Variants in STPG2 observed in about 807,000 individuals in gnomAD.
STPG2 encodes the protein sperm tail PG-rich repeat containing 2.
A neutral mutation model predicts 54.2 loss-of-function variants in STPG2; 56 were observed. That is an observed-to-expected ratio of 1.03 (90% CI 0.83 to 1.29). The LOEUF (loss-of-function observed/expected upper bound fraction) is 1.29, where lower values mean the gene tolerates loss of function less well. Ranked by LOEUF, STPG2 falls within the 50% of genes most tolerant of loss-of-function variation. STPG2 has a pLI of 0.00. For missense variants in STPG2, 596 were observed against 544.9 expected (o/e 1.09, Z -0.93); for synonymous variants, 200 against 181.8 (o/e 1.10, Z -0.81).
intron 9 of STPG2, among the ~76,000 whole-genome samples, chr4:97,754,437 C>T (rs1371358669): frequency 1.3e-5 from 2 of 152,120 alleles, no homozygotes; most frequent in African/African-American, 2.4e-5. Flanking sequence ...CTCATCAGAA[C>T]ACTCATTCTA....
chr4:97,642,056 A>G (rs1390075372), intron 10 of STPG2, among the ~76,000 whole-genome samples: 1 of 151,518 alleles, frequency 6.6e-6, no homozygotes, highest in Non-Finnish European at 1.5e-5. Context: ...TCTCCAAATT[A>G]TTGTATTGGC....
At chr4:97,565,937 T>C (rs1305990970) in intron 10 of STPG2, among the ~76,000 whole-genome samples, 2 of 152,194 alleles carry the variant, frequency 1.3e-5, no homozygotes, top group African/African-American at 4.8e-5. Context: ...TCCAGCTGCA[T>C]GCTGGGAGAA....
At chr4:97,539,354 CA>C (rs1361101102) in intron 4 of STPG2, among the ~76,000 whole-genome samples, 2 of 151,980 alleles carry the variant, frequency 1.3e-5, no homozygotes, top group Non-Finnish European at 2.9e-5. Context: ...GAAGATCTAC[CA>C]AGCAAATGGA....
Position 97,506,019 on chromosome 4 carries a change from C to CAAAA in STPG2, c.462+206676_462+206679dup, listed in dbSNP as rs59206485. On this transcript the variant is annotated intron_variant, in intron 4 of 4. Coordinates refer to the STPG2 transcript ENST00000522676. ...AATTCAGGACCAGAAAATAGGAGAC[C>CAAAA]AAAAAAAAAAAAAAAAAAAAAAAAA... Among the ~76,000 whole-genome samples, 6 of 16,926 alleles carry CAAAA rather than the reference C, an allele frequency of 3.5e-4. 1 individual carries two copies. Among genetic ancestry groups the CAAAA allele is most frequent in the African/African-American group, 7.9e-4 (4 of 5,062 alleles). 11.1% of individuals were successfully genotyped at this position (16,926 alleles called of 152,430 possible).
At chr4:97,689,364 G>T (rs1723293005) in intron 10 of STPG2, among the ~76,000 whole-genome samples, 2 of 151,988 alleles carry the variant, frequency 1.3e-5, no homozygotes, top group Admixed American at 6.5e-5. Context: ...ATTTAAAACT[G>T]TCATATATAC....
chr4:98,018,838 A>G (rs1736065994), intron 5 of STPG2, among the ~76,000 whole-genome samples: 1 of 150,444 alleles, frequency 6.6e-6, no homozygotes, highest in South Asian at 2.1e-4. Context: ...GTCTTTTCAT[A>G]TCCTTTGCCC....
At chr4:97,461,043 T>C (rs920235120) in intron 4 of STPG2, among the ~76,000 whole-genome samples, 2 of 152,240 alleles carry the variant, frequency 1.3e-5, no homozygotes, top group Non-Finnish European at 2.9e-5. Flanking sequence ...TTGTTTCCAA[T>C]TCTAGCTATT....
intron 9 of STPG2, among the ~76,000 whole-genome samples, chr4:97,790,641 C>T (rs1270816570): frequency 6.6e-6 from 1 of 152,144 alleles, no homozygotes; most frequent in Non-Finnish European, 1.5e-5. Context: ...CTCCTCCCTC[C>T]TCGAGGCCAT....
intron 10 of STPG2, among the ~76,000 whole-genome samples, chr4:97,628,760 A>T (rs1386153519): frequency 6.6e-6 from 1 of 152,086 alleles, no homozygotes; most frequent in Non-Finnish European, 1.5e-5. Flanking sequence ...CCAACAGTCT[A>T]AGTACCAGAG....
intron 8 of STPG2, among the ~76,000 whole-genome samples, chr4:97,889,755 T>A (rs952209358): frequency 6.6e-5 from 10 of 152,116 alleles, no homozygotes. Context: ...GTCCAAAAGA[T>A]CTATTGTATA....
intron 10 of STPG2, among the ~76,000 whole-genome samples, chr4:97,696,974 G>T (rs1434316758): frequency 6.6e-6 from 1 of 152,166 alleles, no homozygotes; most frequent in African/African-American, 2.4e-5. Flanking sequence ...TGGGAAGATT[G>T]CATTGCAGAA....
chr4:97,975,954 G>A (rs1317698478), intron 6 of STPG2, among the ~76,000 whole-genome samples: 1 of 152,166 alleles, frequency 6.6e-6, no homozygotes, highest in Non-Finnish European at 1.5e-5. Context: ...TCATAGGCAA[G>A]AAACAGTTGA....
intron 4 of STPG2, among the ~76,000 whole-genome samples, chr4:97,513,456 A>C (rs1731013994): frequency 6.6e-6 from 1 of 151,876 alleles, no homozygotes; most frequent in Non-Finnish European, 1.5e-5. Flanking sequence ...CAACCCTCTA[A>C]TCATGCATTG....
chr4:97,773,496 C>T (rs148466071), intron 9 of STPG2, among the ~76,000 whole-genome samples: 1 of 152,104 alleles, frequency 6.6e-6, no homozygotes, highest in Non-Finnish European at 1.5e-5. Context: ...TTCTTTTTAA[C>T]AGCTGGAATC....
intron 10 of STPG2, among the ~76,000 whole-genome samples, chr4:97,659,149 T>C (rs1303013230): frequency 6.6e-6 from 1 of 152,216 alleles, no homozygotes; most frequent in Non-Finnish European, 1.5e-5. Flanking sequence ...TTTGTTTTGT[T>C]GGAATCACTT....
At chr4:98,133,633 T>C (rs1740059708) in intron 2 of STPG2, among the ~76,000 whole-genome samples, 1 of 152,024 alleles carries the variant, frequency 6.6e-6, no homozygotes, top group Admixed American at 6.6e-5. Flanking sequence ...AGTAAAATCC[T>C]GTGAAAAGAG....
At chr4:98,014,921 A>T (rs760854378) in intron 5 of STPG2, among the ~76,000 whole-genome samples, 1 of 152,164 alleles carries the variant, frequency 6.6e-6, no homozygotes, top group African/African-American at 2.4e-5. Flanking sequence ...CATTTAAAAT[A>T]TATCATCCCA....
intron 9 of STPG2, among the ~76,000 whole-genome samples, chr4:97,791,607 AT>A (rs538275579): frequency 1.3e-5 from 2 of 152,126 alleles, no homozygotes; most frequent in Admixed American, 1.3e-4. Flanking sequence ...TAGCAGTGTT[AT>A]TTTTTTCTCA....
At chr4:97,544,354 T>C (rs1197768888) in intron 4 of STPG2, among the ~76,000 whole-genome samples, 1 of 152,018 alleles carries the variant, frequency 6.6e-6, no homozygotes, top group African/African-American at 2.4e-5. Context: ...GGGATTTATG[T>C]GTTAAAAGAA....
Sources: gnomAD v4.1 joint callset for allele counts (sites outside exome capture counted in the v4.1 genomes callset) on GRCh38, gnomAD v4.1.1 for gene constraint, MANE v1.5 for transcripts, NCBI Gene and HGNC (gene_info 2026-07-23, HGNC 2026-07-21) for gene names.